Variants in ZSCAN31 observed in about 807,000 individuals in gnomAD.
The protein encoded by ZSCAN31 is zinc finger and SCAN domain containing 31, also known as zinc finger and SCAN domain-containing protein 31.
Under a neutral mutation model 22.5 loss-of-function variants are expected in ZSCAN31, and 14 were observed. The observed-to-expected ratio is 0.62, with a 90% CI of 0.41 to 0.97. The LOEUF (loss-of-function observed/expected upper bound fraction) is 0.97, where lower values mean the gene tolerates loss of function less well. Ranked by LOEUF, ZSCAN31 falls within the 50% of genes least tolerant of loss-of-function variation. The pLI, the probability that ZSCAN31 is intolerant of heterozygous loss-of-function variation, is 0.00. For synonymous variants in ZSCAN31, 168 were observed against 169.8 expected (o/e 0.99, Z 0.08); for missense variants, 424 against 483.4 (o/e 0.88, Z 1.15).
At chr6:28,341,388 A>G (rs1338601246) in intron 3 of ZSCAN31, among the ~76,000 whole-genome samples, 1 of 152,226 alleles carries the variant, frequency 6.6e-6, no homozygotes, top group Non-Finnish European at 1.5e-5. Context: ...CTTTATAGAT[A>G]TGGTGCCTTC....
upstream of ZSCAN31, chr6:28,336,298 C>G (rs985156954): frequency 2.0e-5 from 3 of 152,200 alleles, no homozygotes; most frequent in Non-Finnish European, 4.4e-5. Flanking sequence ...GGGTGCGAGG[C>G]GGAGAAATCC....
chr6:28,354,108 A>C, intron 1 of ZSCAN31: 1 of 365,888 alleles, frequency 2.7e-6, no homozygotes, highest in Non-Finnish European at 5.4e-6. Flanking sequence ...ACTCCTTGGC[A>C]TGCTTGTTAA....
intron 1 of ZSCAN31, chr6:28,332,158 G>A (rs1763801479): frequency 6.6e-6 from 1 of 152,194 alleles, no homozygotes; most frequent in Non-Finnish European, 1.5e-5. Flanking sequence ...TTCCCAGGAT[G>A]TATATGCATT....
At chr6:28,353,894 T>C (rs1465622177) in exon 2 of ZSCAN31, 1 of 456,342 alleles carries the variant, frequency 2.2e-6, no homozygotes, top group East Asian at 6.9e-5. Context: ...TTCCAGCCCA[T>C]ACTGAGGTCC....
At position 28,325,763 on chromosome 6, in the gene ZSCAN31, A is replaced by G. The variant is rs895083425; in HGVS notation, c.*403T>C. ...CTTAGCAAATCTTTTTTTTAAAAGT[A>G]TACATAGATACTGGTCTTTTAGAAT... On this transcript the variant is annotated 3_prime_UTR_variant, in exon 4 of 4. Coordinates refer to ENST00000344279, the MANE Select transcript of ZSCAN31 (RefSeq NM_030899.5). The G allele has an allele frequency of 6.3e-6, 1 of 157,778 alleles. No individual in the cohort carries two copies. Among genetic ancestry groups the G allele is most frequent in the African/African-American group, 2.4e-5 (1 of 41,516 alleles). 9.8% of individuals were successfully genotyped at this position (157,778 alleles called of 1,614,324 possible). A position where few individuals can be genotyped will look rare whatever the true frequency, so the allele number is the denominator to read the frequency against.
rs1763269891 is a variant in ZSCAN31, at chr6:28,326,423, G to T, written c.964C>A (p.Pro322Thr). 1 of 1,614,074 alleles carries T rather than the reference G, an allele frequency of 6.2e-7. No individual in the cohort carries two copies. The highest frequency in any genetic ancestry group is 1.3e-5 in the African/African-American group (1 of 75,018). Residue 322 changes from proline to threonine, a missense_variant, in exon 4 of 4, where the codon CCA (proline) becomes ACA (threonine). Transcript: ENST00000344279. ...RHRRIHTGEK[P>T]YECKVCGKAF... ...TTCCCACACACTTTGCATTCATATG[G>T]TTTTTCCCCTGTGTGGATTCTTCTG...
upstream of ZSCAN31, among the ~76,000 whole-genome samples, chr6:28,339,922 A>G (rs1764347522): frequency 7.6e-6 from 1 of 132,258 alleles, no homozygotes; most frequent in Non-Finnish European, 1.5e-5. Context: ...AGGCCAGGGC[A>G]TTTGAAGAAA....
rs1048105857 is a variant in ZSCAN31, at chr6:28,326,268, G to A, written c.1119C>T (p.His373=). The A allele has an allele frequency of 4.3e-6, 7 of 1,614,068 alleles. No individual in the cohort carries two copies. The highest frequency in any genetic ancestry group is 2.7e-5 in the African/African-American group (2 of 74,930). The part of the protein sequence containing the change: ...NAGLFQHLRV[H]TGEKPYQCSQ... ...TGCACTGATAGGGTTTCTCACCAGTGTGGACTCGGAGATGCTGGAAAAGCC... is the reference window on the plus strand; with the variant it reads ...TGCACTGATAGGGTTTCTCACCAGTATGGACTCGGAGATGCTGGAAAAGCC... Residue 373 remains histidine (H), a synonymous_variant, in exon 4 of 4, where the codon CAC becomes CAT. Coordinates refer to ENST00000344279, the MANE Select transcript of ZSCAN31 (RefSeq NM_030899.5).
At chr6:28,335,256 C>G (rs1420310802) in intron 1 of ZSCAN31, 1 of 152,080 alleles carries the variant, frequency 6.6e-6, no homozygotes, top group Non-Finnish European at 1.5e-5. Flanking sequence ...TTGCAGGCAC[C>G]GATAAGGGAA....
In ZSCAN31 at chr6:28,331,865, C is replaced by A. The variant is rs935846224; in HGVS notation, c.-95-2087G>T. Among the ~76,000 whole-genome samples the A allele has an allele frequency of 6.6e-6, 1 of 152,170 alleles. No homozygotes were observed. Among genetic ancestry groups the A allele is most frequent in the Non-Finnish European group, 1.5e-5 (1 of 68,040 alleles). ...ATCACTACAGGCAATCTCTCACATA[C>A]CCAAAGCCACAGGTGGAGTATTTCT... On this transcript the variant is annotated intron_variant, in intron 1 of 3. Coordinates refer to ENST00000344279, the MANE Select transcript of ZSCAN31 (RefSeq NM_030899.5). This position sits in a 1 kb window ranked among gnomAD's most constrained non-coding sequence, Gnocchi z 4.8.
At chr6:28,342,302 G>C (rs531076228) in intron 2 of ZSCAN31, among the ~76,000 whole-genome samples, 1 of 152,114 alleles carries the variant, frequency 6.6e-6, no homozygotes, top group South Asian at 2.1e-4. Flanking sequence ...AAAAAGTCTC[G>C]ACTCCTCAGA....
chr6:28,327,760 C>T (rs1348846441), intron 2 of ZSCAN31, among the ~76,000 whole-genome samples: 3 of 152,126 alleles, frequency 2.0e-5, no homozygotes, highest in African/African-American at 4.8e-5. Flanking sequence ...TGCCCATCCC[C>T]AACCCCCTGA....
upstream of ZSCAN31, chr6:28,337,082 GTATT>G (rs2113839274): frequency 6.6e-6 from 1 of 152,352 alleles, no homozygotes; most frequent in Non-Finnish European, 1.5e-5. Context: ...ATAAATGTAT[GTATT>G]AGTTTGAATT....
At chr6:28,352,276 G>C (rs1311163353) in intron 2 of ZSCAN31, among the ~76,000 whole-genome samples, 1 of 152,072 alleles carries the variant, frequency 6.6e-6, no homozygotes, top group Non-Finnish European at 1.5e-5. Flanking sequence ...AAAAGTTATT[G>C]ATGTATTAAA....
chr6:28,352,388 G>A lies in ZSCAN31; in HGVS notation c.-371+1474C>T, dbSNP rs190399575. ...ATGCAACAGCCTCCCAAGTAGCTGG[G>A]ATTACAGGTGTGTACCACCACACCC... On this transcript the variant is annotated intron_variant, in intron 2 of 7. Coordinates refer to the ZSCAN31 transcript ENST00000396838. 4.1e-4 allele frequency among the ~76,000 whole-genome samples: 63 copies of A among 152,234 alleles called. 1 individual carries two copies. Among genetic ancestry groups the A allele is most frequent in the Non-Finnish European group, 7.1e-4 (48 of 68,018 alleles).
At chr6:28,346,290 C>T (rs1764636820) in intron 2 of ZSCAN31, among the ~76,000 whole-genome samples, 1 of 147,892 alleles carries the variant, frequency 6.8e-6, no homozygotes, top group African/African-American at 2.5e-5. Flanking sequence ...AAGTTTGTCA[C>T]TCAAGTTATC....
intron 2 of ZSCAN31, among the ~76,000 whole-genome samples, chr6:28,345,539 C>T (rs533026362): frequency 1.3e-5 from 2 of 152,300 alleles, no homozygotes; most frequent in South Asian, 4.1e-4. Flanking sequence ...TGATATGATA[C>T]AACATCATGA....
chr6:28,338,460 TAATTAC>T (rs1764286177), upstream of ZSCAN31, among the ~76,000 whole-genome samples: 1 of 152,256 alleles, frequency 6.6e-6, no homozygotes, highest in East Asian at 1.9e-4. Flanking sequence ...ATTGTAATGA[TAATTAC>T]AATTACAAAA....
Position 28,351,746 on chromosome 6 carries a change from CT to C in ZSCAN31, c.-371+2115del, listed in dbSNP as rs942392381. 2.0e-5 allele frequency among the ~76,000 whole-genome samples: 3 copies of C among 151,140 alleles called. No individual in the cohort carries two copies. The highest frequency in any genetic ancestry group is 7.3e-5 in the African/African-American group (3 of 40,822). ...CCTTTCCTTCCCTCCCTCTCCCCCT[CT>C]TTATCTCTTTTTTTTCCTCATTTCG... On this transcript the variant is annotated intron_variant, in intron 2 of 7. Coordinates refer to the ZSCAN31 transcript ENST00000396838. The surrounding 1 kb of genome is among the most constrained non-coding windows in gnomAD (Gnocchi z 4.6).
Sources: gnomAD v4.1 joint callset for allele counts (sites outside exome capture counted in the v4.1 genomes callset) on GRCh38, gnomAD v4.1.1 for gene constraint, Gnocchi (gnomAD v3.1) non-coding constraint, MANE v1.5 for transcripts, NCBI Gene and HGNC (gene_info 2026-07-23, HGNC 2026-07-21) for gene names.